SGCZ: variants seen among roughly 807,000 people sequenced by gnomAD.
The protein encoded by SGCZ is zeta-sarcoglycan.
Under a neutral mutation model 41.3 loss-of-function variants are expected in SGCZ, and 40 were observed. The observed-to-expected ratio is 0.97, with a 90% CI of 0.75 to 1.26. SGCZ has a LOEUF of 1.26. SGCZ is among the 50% of genes most tolerant of loss of function. The pLI, the probability that SGCZ is intolerant of heterozygous loss-of-function variation, is 0.00. For synonymous variants in SGCZ, 206 were observed against 137.5 expected (o/e 1.50, Z -3.49); for missense variants, 552 against 369.8 (o/e 1.49, Z -4.04).
chr8:14,799,727 A>T (rs1310862964), intron 1 of SGCZ, among the ~76,000 whole-genome samples: 1 of 152,146 alleles, frequency 6.6e-6, no homozygotes, highest in Non-Finnish European at 1.5e-5. Flanking sequence ...AGAACCCTCC[A>T]GCTGAATCTA....
intron 3 of SGCZ, among the ~76,000 whole-genome samples, chr8:14,293,429 T>A (rs1353013189): frequency 6.6e-6 from 1 of 152,024 alleles, no homozygotes; most frequent in African/African-American, 2.4e-5. Context: ...TCAAACTAAA[T>A]GTCTCATGTC....
At chr8:14,719,489 A>C (rs565508501) in intron 1 of SGCZ, among the ~76,000 whole-genome samples, 250 of 151,504 alleles carry the variant, frequency 1.7e-3, no homozygotes, top group African/African-American at 5.7e-3. Context: ...AAGTGTTCCT[A>C]TTTCTCCACA....
chr8:14,828,437 T>A (rs776712348), intron 1 of SGCZ, among the ~76,000 whole-genome samples: 8 of 152,230 alleles, frequency 5.3e-5, no homozygotes, highest in Non-Finnish European at 1.2e-4. Flanking sequence ...AAGCAAACTC[T>A]ACTTGATGGT....
rs1044187319 is a variant in SGCZ at position 14,108,110 on chromosome 8, G to A, written c.620+53C>T. ...TCTATTTTAGTTCTTCATATATTAA[G>A]GATTATCAACAATGATGGATTTTAT... On this transcript the variant is annotated intron_variant, in intron 6 of 7. Transcript: ENST00000382080. 6.0e-6 allele frequency: 9 copies of A among 1,507,590 alleles called. No homozygotes were observed. The Admixed American group carries it at 6.8e-5, about 11-fold the overall frequency. 93.4% of individuals were successfully genotyped at this position (1,507,590 alleles called of 1,614,324 possible).
At chr8:14,888,929 A>T (rs1174711900) in intron 1 of SGCZ, among the ~76,000 whole-genome samples, 1 of 152,164 alleles carries the variant, frequency 6.6e-6, no homozygotes, top group East Asian at 1.9e-4. Context: ...CTTTCATAAA[A>T]CTTGGTGCAT....
chr8:14,397,436 T>G (rs1281071300), intron 2 of SGCZ, among the ~76,000 whole-genome samples: 1 of 152,120 alleles, frequency 6.6e-6, no homozygotes, highest in Non-Finnish European at 1.5e-5. Context: ...AATTTCTTTT[T>G]TTCTATTTTG....
chr8:14,684,226 AT>A (rs754508988), intron 1 of SGCZ, among the ~76,000 whole-genome samples: 5 of 152,114 alleles, frequency 3.3e-5, no homozygotes, highest in Non-Finnish European at 7.4e-5. Context: ...TTGGCATCTG[AT>A]GGCTTCTTAA....
At chr8:15,135,201 C>T (rs1808060626) in intron 1 of SGCZ, among the ~76,000 whole-genome samples, 1 of 152,198 alleles carries the variant, frequency 6.6e-6, no homozygotes, top group African/African-American at 2.4e-5. Flanking sequence ...TTTTTCTGTG[C>T]TATTAAGTAG....
At chr8:14,829,071 G>C (rs1273035194) in intron 1 of SGCZ, among the ~76,000 whole-genome samples, 1 of 152,000 alleles carries the variant, frequency 6.6e-6, no homozygotes, top group Non-Finnish European at 1.5e-5. Flanking sequence ...TGAAACCTTT[G>C]TGTAACAAAG....
intron 1 of SGCZ, among the ~76,000 whole-genome samples, chr8:14,593,091 C>A (rs1405691479): frequency 6.6e-6 from 1 of 152,062 alleles, no homozygotes; most frequent in Non-Finnish European, 1.5e-5. Context: ...ACCTCCTCAC[C>A]CCCAAAGATG....
At chr8:15,106,545 C>G (rs1044263957) in intron 1 of SGCZ, among the ~76,000 whole-genome samples, 5 of 151,590 alleles carry the variant, frequency 3.3e-5, no homozygotes, top group African/African-American at 4.8e-5. Flanking sequence ...ATCCATTATA[C>G]TTTACATCCT....
At chr8:14,727,087 G>A (rs1040293611) in intron 1 of SGCZ, among the ~76,000 whole-genome samples, 2 of 151,780 alleles carry the variant, frequency 1.3e-5, no homozygotes, top group Non-Finnish European at 2.9e-5. Flanking sequence ...TAAAAAGAAC[G>A]TATAAAGAGC....
At chr8:14,944,766 G>A (rs1800386399) in intron 1 of SGCZ, among the ~76,000 whole-genome samples, 1 of 152,128 alleles carries the variant, frequency 6.6e-6, no homozygotes, top group Non-Finnish European at 1.5e-5. Flanking sequence ...TTCAACTTAA[G>A]ATGGGTTTAT....
chr8:15,005,326 TTC>T (rs1415617506), intron 1 of SGCZ, among the ~76,000 whole-genome samples: 1,697 of 25,120 alleles, frequency 0.068, 42 homozygotes, highest in African/African-American at 0.15. Context: ...TTTTTTCTTT[TTC>T]TTTTTTTTTT....
intron 4 of SGCZ, among the ~76,000 whole-genome samples, chr8:14,183,811 C>G (rs912885996): frequency 6.6e-6 from 1 of 151,964 alleles, no homozygotes; most frequent in African/African-American, 2.4e-5. Flanking sequence ...TTCTGGAGGT[C>G]CTAACCAGAG....
intron 2 of SGCZ, among the ~76,000 whole-genome samples, chr8:14,434,994 T>C (rs1800047998): frequency 6.6e-6 from 1 of 152,180 alleles, no homozygotes; most frequent in Non-Finnish European, 1.5e-5. Flanking sequence ...TAAATTTGTG[T>C]TCATTATTTA....
chr8:14,439,433 A>G (rs1462985763), intron 2 of SGCZ, among the ~76,000 whole-genome samples: 1 of 151,534 alleles, frequency 6.6e-6, no homozygotes, highest in East Asian at 1.9e-4. Context: ...CCCCAATTTT[A>G]TAAATTTAAT....
At chr8:14,380,005 T>G (rs1434349527) in intron 2 of SGCZ, among the ~76,000 whole-genome samples, 4 of 152,184 alleles carry the variant, frequency 2.6e-5, no homozygotes, top group Non-Finnish European at 5.9e-5. Flanking sequence ...GTGCTGGGAT[T>G]ACAGGTGTGA....
At chr8:14,493,817 T>C (rs1801914153) in intron 2 of SGCZ, among the ~76,000 whole-genome samples, 1 of 152,122 alleles carries the variant, frequency 6.6e-6, no homozygotes, top group Admixed American at 6.5e-5. Flanking sequence ...TCCTCCGTAG[T>C]GGGATTATTT....
Sources: allele counts gnomAD v4.1 joint callset (sites outside exome capture counted in the v4.1 genomes callset), GRCh38; gene constraint gnomAD v4.1.1; transcripts MANE v1.5; gene names NCBI Gene and HGNC (gene_info 2026-07-23, HGNC 2026-07-21).